PDE1A: variants seen among roughly 807,000 people sequenced by gnomAD.
PDE1A encodes the protein dual specificity calcium/calmodulin-dependent 3',5'-cyclic nucleotide phosphodiesterase 1A.
Under a neutral mutation model 61.7 loss-of-function variants are expected in PDE1A, and 35 were observed. The observed-to-expected ratio is 0.57, with a 90% CI of 0.43 to 0.75. The LOEUF (loss-of-function observed/expected upper bound fraction) is 0.75, where lower values mean the gene tolerates loss of function less well. PDE1A is among the 30% of genes least tolerant of loss of function. The pLI, the probability that PDE1A is intolerant of heterozygous loss-of-function variation, is 0.00. For missense variants in PDE1A, 597 were observed against 630.6 expected (o/e 0.95, Z 0.57); for synonymous variants, 232 against 213.2 (o/e 1.09, Z -0.77).
chr2:182,269,277 T>G (rs1033769346), intron 1 of PDE1A, among the ~76,000 whole-genome samples: 1 of 151,904 alleles, frequency 6.6e-6, no homozygotes, highest in Admixed American at 6.6e-5. Flanking sequence ...TCACCTGAGG[T>G]TGGGAGTTTG....
chr2:182,448,575 G>C (rs1381479004), intron 2 of PDE1A, among the ~76,000 whole-genome samples: 2 of 151,996 alleles, frequency 1.3e-5, no homozygotes, highest in African/African-American at 2.4e-5. Flanking sequence ...AAACTTCAAA[G>C]GCATTCCAAA....
At chr2:182,552,226 T>C in the PDE1A span, among the ~76,000 whole-genome samples, 1 of 152,160 alleles carries the variant, frequency 6.6e-6, no homozygotes, top group South Asian at 2.1e-4. Context: ...TTTCCAAACC[T>C]ATAACATATC....
At chr2:182,173,937 C>T (rs978311230) in intron 13 of PDE1A, among the ~76,000 whole-genome samples, 13 of 151,964 alleles carry the variant, frequency 8.6e-5, no homozygotes, top group Admixed American at 7.2e-4. Flanking sequence ...GACATGTTTT[C>T]GTTACTTTCA....
chr2:182,477,888 G>A (rs941436448), intron 2 of PDE1A, among the ~76,000 whole-genome samples: 1 of 151,812 alleles, frequency 6.6e-6, no homozygotes, highest in South Asian at 2.1e-4. Flanking sequence ...AGTGATGCAC[G>A]TCTCTTTTGT....
chr2:182,419,336 C>CTTTTTT (rs35320184), intron 1 of PDE1A, among the ~76,000 whole-genome samples: 13 of 132,620 alleles, frequency 9.8e-5, no homozygotes, highest in Non-Finnish European at 1.3e-4. Flanking sequence ...TTTTTCTTTT[C>CTTTTTT]TTTTTTTTTT....
chr2:182,377,605 A>G (rs2125289670), intron 1 of PDE1A, among the ~76,000 whole-genome samples: 1 of 152,302 alleles, frequency 6.6e-6, no homozygotes, highest in East Asian at 1.9e-4. Context: ...TTGTATTACA[A>G]TTTTAGAAGT....
intron 1 of PDE1A, among the ~76,000 whole-genome samples, chr2:182,425,521 T>C (rs915999927): frequency 3.9e-5 from 6 of 152,310 alleles, no homozygotes; most frequent in Admixed American, 3.9e-4. Flanking sequence ...TAAAACAGAT[T>C]CAAGCTAACA....
intron 10 of PDE1A, among the ~76,000 whole-genome samples, chr2:182,190,009 C>G (rs1335074551): frequency 6.6e-6 from 1 of 152,204 alleles, no homozygotes. Context: ...GGATAAAATA[C>G]GTAAGGACTC....
chr2:182,365,789 G>A (rs1353245484), intron 1 of PDE1A, among the ~76,000 whole-genome samples: 1 of 151,888 alleles, frequency 6.6e-6, no homozygotes, highest in Non-Finnish European at 1.5e-5. Context: ...TAGCCTCCTT[G>A]ATTAGAATCT....
At chr2:182,468,980 A>G (rs968573731) in intron 2 of PDE1A, among the ~76,000 whole-genome samples, 1 of 151,964 alleles carries the variant, frequency 6.6e-6, no homozygotes, top group African/African-American at 2.4e-5. Context: ...CTGTAAACAG[A>G]TGTACTGTTA....
chr2:182,413,537 A>G (rs1702741744), intron 1 of PDE1A, among the ~76,000 whole-genome samples: 1 of 152,224 alleles, frequency 6.6e-6, no homozygotes, highest in Admixed American at 6.5e-5. Context: ...TGACAAGAGG[A>G]TTAAAAGTAC....
chr2:182,242,543 G>C (rs10930997), intron 2 of PDE1A, among the ~76,000 whole-genome samples: 8 of 152,056 alleles, frequency 5.3e-5, no homozygotes, highest in Admixed American at 1.3e-4. Context: ...GTGGCCAGTC[G>C]TTTGGTCAAA....
At chr2:182,389,504 C>G (rs914852972) in intron 1 of PDE1A, among the ~76,000 whole-genome samples, 1 of 152,002 alleles carries the variant, frequency 6.6e-6, no homozygotes, top group Admixed American at 6.5e-5. Context: ...TACTTAATAT[C>G]AGTAATCATC....
At chr2:182,432,978 T>C (rs904760761) in intron 2 of PDE1A, among the ~76,000 whole-genome samples, 4 of 152,118 alleles carry the variant, frequency 2.6e-5, no homozygotes, top group Admixed American at 1.3e-4. Context: ...CCTTCCTTGT[T>C]ACTTCAATAT....
the PDE1A span, among the ~76,000 whole-genome samples, chr2:182,595,026 T>C: frequency 2.6e-5 from 4 of 152,210 alleles, no homozygotes; most frequent in African/African-American, 7.2e-5. Flanking sequence ...TACACATTCA[T>C]ATAAAATAAG....
chr2:182,608,379 C>T, the PDE1A span, among the ~76,000 whole-genome samples: 1 of 152,240 alleles, frequency 6.6e-6, no homozygotes, highest in Non-Finnish European at 1.5e-5. Flanking sequence ...CTGGCTTCAG[C>T]CCGCAGCTGC....
chr2:182,221,811 A>C (rs562480364), intron 7 of PDE1A, among the ~76,000 whole-genome samples: 38 of 152,046 alleles, frequency 2.5e-4, no homozygotes, highest in Non-Finnish European at 4.7e-4. Context: ...CTCACTCCTC[A>C]ATTCTGCCAC....
At chr2:182,327,478 C>T in intron 1 of PDE1A, among the ~76,000 whole-genome samples, 1 of 152,096 alleles carries the variant, frequency 6.6e-6, no homozygotes, top group South Asian at 2.1e-4. Context: ...TTTGAAAATA[C>T]TTTAAATTTT....
chr2:182,689,567 G>A, the PDE1A span, among the ~76,000 whole-genome samples: 1 of 152,108 alleles, frequency 6.6e-6, no homozygotes, highest in Non-Finnish European at 1.5e-5. Flanking sequence ...ATGCCCACAA[G>A]AGAAAGCAGG....
Sources: allele counts gnomAD v4.1 joint callset (sites outside exome capture counted in the v4.1 genomes callset), GRCh38; gene constraint gnomAD v4.1.1; transcripts MANE v1.5; gene names NCBI Gene and HGNC (gene_info 2026-07-23, HGNC 2026-07-21).